Variants in MAP4K3 observed in about 807,000 individuals in gnomAD.
MAP4K3 encodes MAPK/ERK kinase kinase kinase 3.
Under a neutral mutation model 143.5 loss-of-function variants are expected in MAP4K3, and 94 were observed. The observed-to-expected ratio is 0.65, with a 90% CI of 0.55 to 0.78. The LOEUF (loss-of-function observed/expected upper bound fraction) is 0.78. Ranked by LOEUF, MAP4K3 falls within the 30% of genes least tolerant of loss-of-function variation. The pLI is 0.00. For synonymous variants in MAP4K3, 416 were observed against 347.2 expected, an observed-to-expected ratio of 1.20 and a Z score of -2.20; for missense variants, 1,077 against 1,068.1, an observed-to-expected ratio of 1.01 and a Z score of -0.12.
At chr2:39,321,844 T>G (rs533431962) in intron 12 of MAP4K3, among the ~76,000 whole-genome samples, 1 of 152,216 alleles carries the variant, frequency 6.6e-6, no homozygotes, top group Non-Finnish European at 1.5e-5. Flanking sequence ...TCTTTTACCT[T>G]GTCTATGATG....
rs1251750140 is a variant in MAP4K3 at position 39,309,450 on chromosome 2, A to C, written c.1056+11T>G. ...TTTTCAGTGCTAACATTCTAAGGCT[A>C]TACTACTTACAAGTTCATGATGTGG... is the stretch of plus-strand genomic sequence containing the variant. On this transcript the variant is annotated intron_variant, in intron 14 of 33. Transcript: ENST00000263881. 1 of 1,569,478 alleles carries C rather than the reference A, an allele frequency of 6.4e-7. No homozygotes were observed. The highest frequency in any genetic ancestry group is 8.7e-7 in the Non-Finnish European group (1 of 1,153,172).
rs1303934982 is a variant in MAP4K3 at position 39,249,376 on chromosome 2, AGTTT to A, written c.*1238_*1241del. On this transcript the variant is annotated 3_prime_UTR_variant, in exon 34 of 34. Transcript: ENST00000263881. ...AAATGAAGATCATAAATCACAATTTAGTTTGTTCTTAGTGTATATACTCACATTA... is the reference window on the plus strand; with the variant it reads ...AAATGAAGATCATAAATCACAATTTAGTTCTTAGTGTATATACTCACATTA... The A allele has an allele frequency of 6.5e-6, 1 of 152,680 alleles. No individual in the cohort carries two copies. Among genetic ancestry groups the A allele is most frequent in the Non-Finnish European group, 1.5e-5 (1 of 68,030 alleles). 9.5% of individuals were successfully genotyped at this position (152,680 alleles called of 1,614,324 possible).
At chr2:39,407,182 C>G (rs1276988100) in intron 1 of MAP4K3, among the ~76,000 whole-genome samples, 1 of 151,960 alleles carries the variant, frequency 6.6e-6, no homozygotes, top group Non-Finnish European at 1.5e-5. Flanking sequence ...GTTCCTGATA[C>G]AAACTCAGCA....
At chr2:39,285,448 T>C (rs1681730895) in intron 21 of MAP4K3, among the ~76,000 whole-genome samples, 1 of 152,216 alleles carries the variant, frequency 6.6e-6, no homozygotes, top group Admixed American at 6.5e-5. Context: ...CTCAGCTGCA[T>C]TTTTGTACTA....
intron 13 of MAP4K3, among the ~76,000 whole-genome samples, chr2:39,310,150 T>C (rs1682893438): frequency 6.6e-6 from 1 of 152,204 alleles, no homozygotes; most frequent in South Asian, 2.1e-4. Flanking sequence ...AAATATACAA[T>C]AAATGATTGT....
chr2:39,271,503 C>G (rs981695171), intron 26 of MAP4K3, among the ~76,000 whole-genome samples: 2 of 152,032 alleles, frequency 1.3e-5, no homozygotes, highest in Non-Finnish European at 1.5e-5. Context: ...TAAAGAGGTC[C>G]AATATTATAT....
At chr2:39,383,982 G>A (rs941463201) in intron 1 of MAP4K3, among the ~76,000 whole-genome samples, 6 of 151,914 alleles carry the variant, frequency 3.9e-5, no homozygotes, top group African/African-American at 9.7e-5. Context: ...TTGGTAGCAT[G>A]TGCCTATAGT....
intron 8 of MAP4K3, among the ~76,000 whole-genome samples, chr2:39,331,470 G>A (rs1451399787): frequency 6.6e-6 from 1 of 152,086 alleles, no homozygotes; most frequent in Admixed American, 6.6e-5. Flanking sequence ...AGACTCAACT[G>A]TCAAGAAATC....
chr2:39,358,053 G>C (rs1665660469), intron 2 of MAP4K3, among the ~76,000 whole-genome samples: 2 of 152,160 alleles, frequency 1.3e-5, no homozygotes, highest in South Asian at 4.1e-4. Context: ...AGGAGAAACA[G>C]GTAAAAGGAA....
In MAP4K3 at chr2:39,356,241, C is replaced by T. The variant is rs2148552937; in HGVS notation, c.245+8G>A. 1 of 1,521,862 alleles carries T rather than the reference C, an allele frequency of 6.6e-7. No individual in the cohort carries two copies. Among genetic ancestry groups the T allele is most frequent in the Non-Finnish European group, 9.0e-7 (1 of 1,114,708 alleles). 94.3% of individuals were successfully genotyped at this position (1,521,862 alleles called of 1,614,324 possible). A position where few individuals can be genotyped will look rare whatever the true frequency, so the allele number is the denominator to read the frequency against. On this transcript the variant is annotated splice_region_variant and intron_variant, in intron 3 of 33. Coordinates refer to ENST00000263881, the MANE Select transcript of MAP4K3 (RefSeq NM_003618.4). Reference sequence around the variant, plus strand: ...TATTGCTTTTCAAAAGGGAAACAAACAGTATACCTGAGATAGCTTCCAAAA... The same window carrying T: ...TATTGCTTTTCAAAAGGGAAACAAATAGTATACCTGAGATAGCTTCCAAAA...
intron 12 of MAP4K3, chr2:39,323,525 A>C (rs533811973): frequency 1.3e-5 from 2 of 152,360 alleles, no homozygotes; most frequent in South Asian, 2.1e-4. Flanking sequence ...AGTTCCCTAC[A>C]TCATGGTTCA....
intron 12 of MAP4K3, among the ~76,000 whole-genome samples, chr2:39,317,125 G>C (rs961991370): frequency 1.3e-5 from 2 of 152,064 alleles, no homozygotes; most frequent in African/African-American, 4.8e-5. Flanking sequence ...ACAACCATCT[G>C]ATCTTCGACA....
intron 18 of MAP4K3, among the ~76,000 whole-genome samples, chr2:39,290,572 G>A (rs971299283): frequency 2.0e-5 from 3 of 151,938 alleles, no homozygotes; most frequent in East Asian, 1.9e-4. Context: ...GTTAAACACC[G>A]CATGATCTTA....
rs749512476 is a variant in MAP4K3 at position 39,320,850 on chromosome 2, T to G, written c.918+4668A>C. Among the ~76,000 whole-genome samples, 164 of 152,312 alleles carry G rather than the reference T, an allele frequency of 1.1e-3. 2 individuals are homozygous for G. Among genetic ancestry groups the G allele is most frequent in the Non-Finnish European group, 2.0e-3 (134 of 68,026 alleles). On this transcript the variant is annotated intron_variant, in intron 12 of 33. Transcript: ENST00000263881. ...TGTATTACCTTTGAAGGAGATACACTCTTAGATCTATCTTTGTGGAAACAT... is the reference window on the plus strand; with the variant it reads ...TGTATTACCTTTGAAGGAGATACACGCTTAGATCTATCTTTGTGGAAACAT...
intron 12 of MAP4K3, among the ~76,000 whole-genome samples, chr2:39,316,409 G>C (rs932198270): frequency 6.6e-6 from 1 of 152,048 alleles, no homozygotes; most frequent in African/African-American, 2.4e-5. Context: ...TACAAGAAAG[G>C]CTATCCAGGT....
chr2:39,389,729 A>G (rs977734429), intron 1 of MAP4K3, among the ~76,000 whole-genome samples: 2 of 152,216 alleles, frequency 1.3e-5, no homozygotes, highest in African/African-American at 4.8e-5. Flanking sequence ...ACAAACACCA[A>G]GGGCTCACTG....
At chr2:39,374,056 T>C (rs1321000820) in intron 2 of MAP4K3, among the ~76,000 whole-genome samples, 2 of 152,192 alleles carry the variant, frequency 1.3e-5, no homozygotes, top group Non-Finnish European at 2.9e-5. Context: ...TGTATCAAAA[T>C]AGCTCATGTA....
At chr2:39,269,864 A>G (rs1053837951) in intron 26 of MAP4K3, among the ~76,000 whole-genome samples, 32 of 152,188 alleles carry the variant, frequency 2.1e-4, no homozygotes, top group African/African-American at 7.5e-4. Flanking sequence ...CATTAGGAAA[A>G]GTTTTACATT....
intron 3 of MAP4K3, among the ~76,000 whole-genome samples, chr2:39,344,729 T>C (rs910783518): frequency 1.3e-5 from 2 of 152,122 alleles, no homozygotes; most frequent in African/African-American, 4.8e-5. Context: ...ATGGAAAGTT[T>C]TAGGGAGGAG....
Sources: allele counts gnomAD v4.1 joint callset (sites outside exome capture counted in the v4.1 genomes callset), GRCh38; gene constraint gnomAD v4.1.1; transcripts MANE v1.5; gene names NCBI Gene and HGNC (gene_info 2026-07-23, HGNC 2026-07-21).